Variants in ADAMTS12 observed in about 807,000 individuals in gnomAD.
ADAMTS12 encodes ADAM metallopeptidase with thrombospondin type 1 motif 12.
A neutral mutation model predicts 167.8 loss-of-function variants in ADAMTS12; 118 were observed. That is an observed-to-expected ratio of 0.70 (90% CI 0.61 to 0.82). The LOEUF (loss-of-function observed/expected upper bound fraction) is 0.82, where lower values mean the gene tolerates loss of function less well. Ranked by LOEUF, ADAMTS12 falls within the 40% of genes least tolerant of loss-of-function variation. The pLI, the probability that ADAMTS12 is intolerant of heterozygous loss-of-function variation, is 0.00. For synonymous variants in ADAMTS12, 704 were observed against 716.9 expected (o/e 0.98, Z 0.29); for missense variants, 1,916 against 1,998.8 (o/e 0.96, Z 0.79).
intron 3 of ADAMTS12, among the ~76,000 whole-genome samples, chr5:33,708,169 T>C (rs896470931): frequency 6.6e-6 from 1 of 152,150 alleles, no homozygotes; most frequent in Non-Finnish European, 1.5e-5. Context: ...AGGAAGACAT[T>C]TATGCAGTCA....
At position 33,575,446 on chromosome 5, in the gene ADAMTS12, A is replaced by G. The variant is rs369037648; in HGVS notation, c.3972+608T>C. 2.5e-3 allele frequency among the ~76,000 whole-genome samples: 378 copies of G among 152,350 alleles called. 1 individual carries two copies. Among genetic ancestry groups the G allele is most frequent in the African/African-American group, 8.6e-3 (357 of 41,586 alleles). On this transcript the variant is annotated intron_variant, in intron 19 of 23. Transcript: ENST00000504830. ...TGTAGGCCAAAAAAAAGGCTCAGAA[A>G]GATAGATGAATTCGACATAATCACA...
chr5:33,589,264 TG>T lies in ADAMTS12; in HGVS notation c.2655-456del, dbSNP rs1747523135. Among the ~76,000 whole-genome samples the T allele has an allele frequency of 3.3e-5, 5 of 152,204 alleles. No homozygotes were observed. In the South Asian group the frequency reaches 1.0e-3, roughly 32 times the overall value. ...GACATATAACAAGAACTCAAGCATT[TG>T]TTATGATTTATTGTTATTTTGACCA... On this transcript the variant is annotated intron_variant, in intron 17 of 23. Transcript: ENST00000504830.
intron 3 of ADAMTS12, among the ~76,000 whole-genome samples, chr5:33,717,779 G>T (rs1486821816): frequency 1.3e-5 from 2 of 152,098 alleles, no homozygotes; most frequent in Non-Finnish European, 2.9e-5. Flanking sequence ...CATAAATGAT[G>T]AACAATAACT....
intron 1 of ADAMTS12, among the ~76,000 whole-genome samples, chr5:33,886,421 A>G (rs75234935): frequency 0.014 from 2,127 of 152,328 alleles, 46 homozygotes; most frequent in African/African-American, 0.049. Flanking sequence ...AGGAAACCGA[A>G]TGTAGGAAGT....
intron 23 of ADAMTS12, among the ~76,000 whole-genome samples, chr5:33,530,456 C>G (rs1403772959): frequency 6.6e-6 from 1 of 152,188 alleles, no homozygotes; most frequent in African/African-American, 2.4e-5. Context: ...CAGGGCAGTC[C>G]AAGCATCACA....
At chr5:33,714,778 T>C (rs1222966637) in intron 3 of ADAMTS12, among the ~76,000 whole-genome samples, 2 of 152,028 alleles carry the variant, frequency 1.3e-5, no homozygotes, top group African/African-American at 4.8e-5. Context: ...AGAATGATAG[T>C]TATCAGAGGT....
chr5:33,764,341 A>T (rs2112414791), intron 2 of ADAMTS12, among the ~76,000 whole-genome samples: 1 of 152,348 alleles, frequency 6.6e-6, no homozygotes, highest in South Asian at 2.1e-4. Context: ...TCTTTTATAC[A>T]TAATATATCC....
intron 17 of ADAMTS12, 131 bp downstream of exon 17, chr5:33,595,803 T>C: frequency 7.4e-7 from 1 of 1,357,164 alleles, no homozygotes; most frequent in Non-Finnish European, 1.0e-6. Flanking sequence ...CAGAAAACTC[T>C]AACCGCGTTC....
rs778409643 is a variant in ADAMTS12, at chr5:33,549,283, G to T, written c.4226C>A (p.Ala1409Asp). The stretch of plus-strand genomic sequence containing the variant: ...CATGCTCAATGGGGGAGGAATGCCG[G>T]CCAGGAACTGGCAGTGAAATGGCCT... ...NLRPFHCQFL[A>D]GIPPPLSMSC... The change falls in exon 21 of 24, where the codon GCC becomes GAC. Residue 1409 changes from alanine (A) to aspartate (D), a missense_variant. Transcript: ENST00000504830. 7 of 1,614,226 alleles carry T rather than the reference G, an allele frequency of 4.3e-6. No individual in the cohort carries two copies. Among genetic ancestry groups the T allele is most frequent in the Middle Eastern group, 1.6e-4 (1 of 6,062 alleles).
At chr5:33,749,436 A>G (rs1015130375) in intron 3 of ADAMTS12, among the ~76,000 whole-genome samples, 1 of 151,930 alleles carries the variant, frequency 6.6e-6, no homozygotes, top group Non-Finnish European at 1.5e-5. Flanking sequence ...AGGAAGCTAC[A>G]TAAGGCATCC....
intron 3 of ADAMTS12, among the ~76,000 whole-genome samples, chr5:33,738,961 G>A (rs1430562760): frequency 6.6e-6 from 1 of 152,188 alleles, no homozygotes; most frequent in Non-Finnish European, 1.5e-5. Flanking sequence ...GCTGCTGGTG[G>A]GGTTGACATT....
At chr5:33,891,701 T>G (rs779954689) in intron 1 of ADAMTS12, 29 bp downstream of exon 1, 17 of 1,613,140 alleles carry the variant, frequency 1.1e-5, no homozygotes, top group Non-Finnish European at 1.4e-5. Flanking sequence ...CACCACTGTT[T>G]TAAAAAGAAA....
chr5:33,670,074 A>G (rs1741617322), intron 5 of ADAMTS12, among the ~76,000 whole-genome samples: 1 of 152,230 alleles, frequency 6.6e-6, no homozygotes. Context: ...AAGAGCTACA[A>G]TGTGGGAGAA....
Position 33,529,365 on chromosome 5 carries a change from T to C in ADAMTS12, c.4607-1999A>G, listed in dbSNP as rs113987224. ...TTCTCAGATGGCACTGGCCTACACG[T>C]TCCAGGTCTGTTAAGAATTCAATTA... On this transcript the variant is annotated intron_variant, in intron 23 of 23. Coordinates refer to ENST00000504830, the MANE Select transcript of ADAMTS12 (RefSeq NM_030955.4). Among the ~76,000 whole-genome samples, 1,330 of 152,304 alleles carry C rather than the reference T, an allele frequency of 8.7e-3. 23 individuals carry two copies. Among genetic ancestry groups the C allele is most frequent in the Non-Finnish European group, 9.0e-3 (614 of 68,032 alleles).
chr5:33,569,880 C>T (rs1265291604), intron 19 of ADAMTS12, among the ~76,000 whole-genome samples: 2 of 152,062 alleles, frequency 1.3e-5, no homozygotes, highest in Non-Finnish European at 2.9e-5. Context: ...ACTAGAATAA[C>T]CAATATAGAG....
intron 2 of ADAMTS12, among the ~76,000 whole-genome samples, chr5:33,860,571 C>A (rs1749572616): frequency 6.6e-6 from 1 of 152,142 alleles, no homozygotes; most frequent in South Asian, 2.1e-4. Flanking sequence ...GAGAATGGAA[C>A]CAAGTTGGAA....
Position 33,881,333 on chromosome 5 carries a change from T to A in ADAMTS12, c.275A>T (p.Tyr92Phe). 1 of 1,614,240 alleles carries A rather than the reference T, an allele frequency of 6.2e-7. No homozygotes were observed. The highest frequency in any genetic ancestry group is 8.5e-7 in the Non-Finnish European group (1 of 1,180,038). The change falls in exon 2 of 24, where the codon TAC (tyrosine) becomes TTC (phenylalanine). Residue 92 changes from tyrosine (Y) to phenylalanine (F), a missense_variant. Tyr to Phe is a conservative substitution (Grantham distance 22, BLOSUM62 3). Coordinates refer to ENST00000504830, the MANE Select transcript of ADAMTS12 (RefSeq NM_030955.4). The part of the protein sequence containing the change: ...RDLDGSEDWV[Y>F]YRISHEEKDL... ...CTTCTCCTCGTGAGAAATTCTGTAG[T>A]ACACCCAGTCCTCTGAGCCATCCAA...
At chr5:33,586,458 G>C (rs1747357532) in intron 18 of ADAMTS12, among the ~76,000 whole-genome samples, 2 of 152,206 alleles carry the variant, frequency 1.3e-5, no homozygotes, top group African/African-American at 4.8e-5. Flanking sequence ...GTGGTCCATT[G>C]ACTATGCAAT....
At chr5:33,780,980 C>A (rs1023404947) in intron 2 of ADAMTS12, among the ~76,000 whole-genome samples, 1 of 152,084 alleles carries the variant, frequency 6.6e-6, no homozygotes, top group Admixed American at 6.6e-5. Flanking sequence ...CTTTTTCTTT[C>A]TTTACTTTCA....
Sources: gnomAD v4.1 joint callset for allele counts (sites outside exome capture counted in the v4.1 genomes callset) on GRCh38, gnomAD v4.1.1 for gene constraint, MANE v1.5 for transcripts, NCBI Gene and HGNC (gene_info 2026-07-23, HGNC 2026-07-21) for gene names.